GRIN2D: variants seen among roughly 807,000 people sequenced by gnomAD.
The protein encoded by GRIN2D is glutamate ionotropic receptor NMDA type subunit 2D.
Under a neutral mutation model 103.2 loss-of-function variants are expected in GRIN2D, and 37 were observed. The ratio of observed to expected loss-of-function variants is 0.36; its 90% CI spans 0.28 to 0.47. GRIN2D has a LOEUF of 0.47. Ranked by LOEUF, GRIN2D falls within the 20% of genes least tolerant of loss-of-function variation. The pLI is 1.00. For synonymous variants in GRIN2D, 845 were observed against 885.6 expected, an observed-to-expected ratio of 0.95 and a Z score of 0.81; for missense variants, 1,557 against 1,910.6, an observed-to-expected ratio of 0.81 and a Z score of 3.45.
At chr19:48,420,830 G>C (rs926973206) in intron 10 of GRIN2D, among the ~76,000 whole-genome samples, 8 of 152,034 alleles carry the variant, frequency 5.3e-5, no homozygotes, top group African/African-American at 1.9e-4. Flanking sequence ...GCGAGACTCT[G>C]CCTAAAAAAA....
intron 10 of GRIN2D, among the ~76,000 whole-genome samples, chr19:48,420,683 A>C (rs891072355): frequency 4.0e-5 from 6 of 150,178 alleles, no homozygotes; most frequent in African/African-American, 1.2e-4. Context: ...AAAATTAGCC[A>C]GGCGTGGTAG....
At chr19:48,402,917 G>A (rs1600970719) in intron 3 of GRIN2D, among the ~76,000 whole-genome samples, 1 of 151,726 alleles carries the variant, frequency 6.6e-6, no homozygotes. Context: ...GGAGGATAGG[G>A]GCCAGGCATG....
chr19:48,403,273 G>T (rs1352950762), intron 3 of GRIN2D, among the ~76,000 whole-genome samples: 3 of 151,104 alleles, frequency 2.0e-5, no homozygotes, highest in Non-Finnish European at 4.4e-5. Context: ...TGTGACTGAG[G>T]ACAGGAGCCA....
rs958765314 is a variant in GRIN2D at position 48,402,439 on chromosome 19, C to T, written c.466-2295C>T. ...TTCCTTAAGATTCTTTACTCCTGGC[C>T]GGGCGCGGTGGCTCATGCCTGTAAT... On this transcript the variant is annotated intron_variant, in intron 3 of 13. Transcript: ENST00000263269. 4.7e-4 allele frequency among the ~76,000 whole-genome samples: 72 copies of T among 151,882 alleles called. 1 individual carries two copies. The highest frequency in any genetic ancestry group is 1.6e-4 in the Non-Finnish European group (11 of 67,958).
chr19:48,426,224 C>CTTTTTTT lies in GRIN2D; in HGVS notation c.2252+4290_2252+4296dup, dbSNP rs369360320. 6.5e-3 allele frequency among the ~76,000 whole-genome samples: 780 copies of CTTTTTTT among 120,038 alleles called. 21 individuals are homozygous for CTTTTTTT. The highest frequency in any genetic ancestry group is 0.027 in the African/African-American group (739 of 27,886). 78.7% of individuals were successfully genotyped at this position (120,038 alleles called of 152,430 possible). ...TTTCTTTTTCTTTCTTTCTTTCTTT[C>CTTTTTTT]TTTTTTTTTTTTTTTTTCTGAAACA... is the stretch of plus-strand genomic sequence containing the variant. On this transcript the variant is annotated intron_variant, in intron 11 of 13. Transcript: ENST00000263269.
rs1569065851 is a variant in GRIN2D, at chr19:48,419,751, C to T, written c.2028C>T (p.Asn676=). The change falls in exon 10 of 14, where the codon AAC becomes AAT. Residue 676 remains asparagine, a synonymous_variant. Coordinates refer to ENST00000263269, the MANE Select transcript of GRIN2D (RefSeq NM_000836.4). ...AVIFLASYTA[N]LAAFMIQEEY... ...TCTTCCTCGCCAGCTACACAGCCAA[C>T]CTGGCCGCCTTCATGATCCAGGAGG... is the stretch of plus-strand genomic sequence containing the variant. 1 of 1,613,816 alleles carries T rather than the reference C, an allele frequency of 6.2e-7. No individual in the cohort carries two copies. The highest frequency in any genetic ancestry group is 8.5e-7 in the Non-Finnish European group (1 of 1,179,966).
At chr19:48,428,856 C>T (rs1971121107) in intron 11 of GRIN2D, among the ~76,000 whole-genome samples, 1 of 152,132 alleles carries the variant, frequency 6.6e-6, no homozygotes, top group South Asian at 2.1e-4. Context: ...CATAAAAAAT[C>T]TTAGGTGGGT....
chr19:48,443,871 C>G lies in GRIN2D; in HGVS notation c.3945C>G (p.His1315Gln). The G allele has an allele frequency of 6.8e-7, 1 of 1,480,992 alleles. No homozygotes were observed. Among genetic ancestry groups the G allele is most frequent in the Non-Finnish European group, 8.9e-7 (1 of 1,123,492 alleles). The allele number at this position is 1,480,992 out of a possible 1,614,324, so 91.7% of individuals were successfully genotyped here. Reference protein sequence around the residue: ...PPLPTASHRRHRGGDLGTRRG... With the variant: ...PPLPTASHRRQRGGDLGTRRG... The stretch of plus-strand genomic sequence containing the variant: ...TGCCCACAGCTTCCCACCGGAGACA[C>G]CGGGGCGGGGACCTGGGCACCCGCA... Residue 1315 changes from histidine to glutamine, a missense_variant, in exon 14 of 14, where the codon CAC (histidine) becomes CAG (glutamine). His to Gln is a conservative substitution (Grantham distance 24, BLOSUM62 0). Around this residue, in one of 7 missense-constraint regions of GRIN2D, gnomAD observed 88 missense variants for 84.3 expected, o/e 1.04. Coordinates refer to ENST00000263269, the MANE Select transcript of GRIN2D (RefSeq NM_000836.4). The surrounding 1 kb of genome is among the most constrained non-coding windows in gnomAD (Gnocchi z 8.9).
Position 48,444,106 on chromosome 19 carries a change from G to C in GRIN2D, c.*169G>C. 1 of 450,328 alleles carries C rather than the reference G, an allele frequency of 2.2e-6. No individual in the cohort carries two copies. The highest frequency in any genetic ancestry group is 3.9e-6 in the Non-Finnish European group (1 of 259,664). 27.9% of individuals were successfully genotyped at this position (450,328 alleles called of 1,614,324 possible). ...CTGGTTCTGGAGGAACCGCAAGCCG[G>C]AGAGGATTTGGTCCCTCAACTATCA... On this transcript the variant is annotated 3_prime_UTR_variant, in exon 14 of 14. Transcript: ENST00000263269. This position sits in a 1 kb window ranked among gnomAD's most constrained non-coding sequence, Gnocchi z 5.5.
chr19:48,398,303 C>A, intron 2 of GRIN2D, 64 bp from the exon 3 acceptor site: 1 of 604,476 alleles, frequency 1.7e-6, no homozygotes, highest in Non-Finnish European at 2.1e-6. Context: ...TCTCGTCTCC[C>A]TGTCCCTGCG....
At chr19:48,419,459 A>G in intron 9 of GRIN2D, 100 bp downstream of exon 9, 2 of 1,462,208 alleles carry the variant, frequency 1.4e-6, no homozygotes, top group Non-Finnish European at 1.9e-6. Context: ...CGGTCAAGCT[A>G]GGGCCTCTCG....
chr19:48,438,959 T>A (rs1051326245), intron 11 of GRIN2D, among the ~76,000 whole-genome samples: 3 of 150,586 alleles, frequency 2.0e-5, no homozygotes, highest in Admixed American at 6.6e-5. Flanking sequence ...TTTTTTTTTT[T>A]TATAGAGGCA....
chr19:48,437,901 A>C (rs1842432278), intron 11 of GRIN2D, among the ~76,000 whole-genome samples: 1 of 152,148 alleles, frequency 6.6e-6, no homozygotes, highest in Non-Finnish European at 1.5e-5. Context: ...GTTAGGATCT[A>C]TATAAAATTA....
chr19:48,402,258 G>C (rs1345134737), intron 3 of GRIN2D, among the ~76,000 whole-genome samples: 1 of 152,176 alleles, frequency 6.6e-6, no homozygotes, highest in Non-Finnish European at 1.5e-5. Flanking sequence ...ATGGCAGTGA[G>C]GAGTGGACAA....
At chr19:48,424,730 G>C (rs1479955754) in intron 11 of GRIN2D, among the ~76,000 whole-genome samples, 2 of 152,134 alleles carry the variant, frequency 1.3e-5, no homozygotes, top group African/African-American at 4.8e-5. Flanking sequence ...TCTAGGTTCA[G>C]AGTGACCACA....
Position 48,405,443 on chromosome 19 carries a change from C to T in GRIN2D, c.1085+90C>T. 1 of 1,274,966 alleles carries T rather than the reference C, an allele frequency of 7.8e-7. No individual in the cohort carries two copies. The allele number at this position is 1,274,966 out of a possible 1,614,324, so 79.0% of individuals were successfully genotyped here. A position where few individuals can be genotyped will look rare whatever the true frequency, so the allele number is the denominator to read the frequency against. On this transcript the variant is annotated intron_variant, in intron 4 of 13. Transcript: ENST00000263269. This position sits in a 1 kb window ranked among gnomAD's most constrained non-coding sequence, Gnocchi z 5.1. ...CTGAATGAGTGGCTCAAATGGGCCACATCTGCTCTTTGAGCCTCAGTTTTC... is the reference window on the plus strand; with the variant it reads ...CTGAATGAGTGGCTCAAATGGGCCATATCTGCTCTTTGAGCCTCAGTTTTC...
chr19:48,433,653 A>G (rs76239375), intron 11 of GRIN2D, among the ~76,000 whole-genome samples: 3,819 of 152,330 alleles, frequency 0.025, 160 homozygotes, highest in African/African-American at 0.085. Context: ...TGCCCTTTCC[A>G]TGAGAGATGT....
At chr19:48,412,361 A>G (rs1424993988) in intron 4 of GRIN2D, among the ~76,000 whole-genome samples, 1 of 150,360 alleles carries the variant, frequency 6.7e-6, no homozygotes, top group East Asian at 1.9e-4. Context: ...ACATACATAC[A>G]TAAAAATTTA....
At position 48,393,740 on chromosome 19, in the gene GRIN2D, G is replaced by C. The variant is rs972691204; in HGVS notation, c.-434G>C. ...CCTCCCGCTCCAGCTCCTCCAAGCC[G>C]CGGCCGCCGCCGCCACCCTCGCCCG... On this transcript the variant is annotated 5_prime_UTR_variant, in exon 1 of 14. Transcript: ENST00000263269. The surrounding 1 kb of genome is among the most constrained non-coding windows in gnomAD (Gnocchi z 5.6). Among the ~76,000 whole-genome samples, 1 of 151,920 alleles carries C rather than the reference G, an allele frequency of 6.6e-6. No homozygotes were observed. Among genetic ancestry groups the C allele is most frequent in the African/African-American group, 2.4e-5 (1 of 41,340 alleles).
Sources: allele counts gnomAD v4.1 joint callset (sites outside exome capture counted in the v4.1 genomes callset), GRCh38; gene constraint gnomAD v4.1.1; regional missense constraint gnomAD v4.1.1; non-coding constraint Gnocchi (gnomAD v3.1); transcripts MANE v1.5; gene names NCBI Gene and HGNC (gene_info 2026-07-23, HGNC 2026-07-21).